Variants in ZNF439 observed in about 807,000 individuals in gnomAD.
The protein encoded by ZNF439 is zinc finger protein 439.
Under a neutral mutation model 47.3 loss-of-function variants are expected in ZNF439, and 40 were observed. That is an observed-to-expected ratio of 0.85 (90% confidence interval 0.66 to 1.10). The LOEUF is 1.10. ZNF439 is among the 50% of genes least tolerant of loss of function. ZNF439 has a pLI of 0.00. For synonymous variants in ZNF439, 171 were observed against 198.8 expected (o/e 0.86, Z 1.18); for missense variants, 556 against 601.1 (o/e 0.93, Z 0.78).
intron 1 of ZNF439, 58 bp downstream of exon 1, chr19:11,848,988 A>T: frequency 6.8e-7 from 1 of 1,469,396 alleles, no homozygotes; most frequent in Non-Finnish European, 9.1e-7. Flanking sequence ...AACTGGCGGG[A>T]CCCGGGCCTC....
At chr19:11,866,034 AT>A in intron 1 of ZNF439, 170 bp from the exon 2 acceptor site, 3 of 1,454,706 alleles carry the variant, frequency 2.1e-6, no homozygotes, top group East Asian at 2.4e-5. Flanking sequence ...AAAAAAAAAA[AT>A]TGCTTTATGG....
chr19:11,853,748 G>A lies in ZNF439; in HGVS notation c.63+4818G>A, dbSNP rs560697486. The stretch of plus-strand genomic sequence containing the variant: ...CTGTTTATGCATTAATTGAATGAAT[G>A]TAAGGCCAGGTTGGGCAGCTCTCAT... On this transcript the variant is annotated intron_variant, in intron 1 of 3. Transcript: ENST00000682736. Among the ~76,000 whole-genome samples, 15 of 152,310 alleles carry A rather than the reference G, an allele frequency of 9.8e-5. No homozygotes were observed. In the South Asian group the frequency reaches 1.0e-3, roughly 11 times the overall value.
intron 1 of ZNF439, among the ~76,000 whole-genome samples, chr19:11,864,349 G>C (rs1386773228): frequency 6.6e-6 from 1 of 152,150 alleles, no homozygotes; most frequent in Non-Finnish European, 1.5e-5. Context: ...CCAGGCTAGA[G>C]TGCAATGGTG....
intron 1 of ZNF439, among the ~76,000 whole-genome samples, chr19:11,861,875 A>T (rs958225110): frequency 6.6e-6 from 1 of 152,028 alleles, no homozygotes; most frequent in South Asian, 2.1e-4. Context: ...TCCTCCTTTC[A>T]TCTATCCTGG....
At chr19:11,851,408 G>A (rs1976236808) in intron 1 of ZNF439, among the ~76,000 whole-genome samples, 1 of 152,108 alleles carries the variant, frequency 6.6e-6, no homozygotes, top group African/African-American at 2.4e-5. Flanking sequence ...TGGGACATCG[G>A]GACATTCTGT....
chr19:11,849,004 G>A lies in ZNF439; in HGVS notation c.63+74G>A. 2.1e-6 allele frequency: 3 copies of A among 1,415,264 alleles called. No individual in the cohort carries two copies. In the South Asian group the frequency reaches 3.6e-5, roughly 17 times the overall value. 87.7% of individuals were successfully genotyped at this position (1,415,264 alleles called of 1,614,324 possible). On this transcript the variant is annotated intron_variant, in intron 1 of 3. Coordinates refer to ENST00000682736, the MANE Select transcript of ZNF439 (RefSeq NM_001348719.2). ...ACTGGCGGGACCCGGGCCTCCCTGT[G>A]GGCGACTCCGGGGTCTGGGACCGAG... is the stretch of plus-strand genomic sequence containing the variant.
At position 11,848,888 on chromosome 19, in the gene ZNF439, G is replaced by T. The variant is rs1481173188; in HGVS notation, c.21G>T (p.Arg7Ser). Residue 7 changes from arginine to serine, a missense_variant, in exon 1 of 4, where the codon AGG becomes AGT. Transcript: ENST00000682736. MPCFTHRSCREDPGTSE... is the reference protein window; with the variant it reads MPCFTHSSCREDPGTSE... ...GCGCTATGCCCTGCTTTACTCACAG[G>T]AGCTGTAGAGAGGACCCCGGTACAT... The T allele has an allele frequency of 1.1e-5, 18 of 1,573,696 alleles. No individual in the cohort carries two copies. Among genetic ancestry groups the T allele is most frequent in the Non-Finnish European group, 1.5e-5 (17 of 1,154,834 alleles).
Position 11,848,925 on chromosome 19 carries a change from G to A in ZNF439, c.58G>A (p.Glu20Lys). The A allele has an allele frequency of 2.5e-6, 4 of 1,570,314 alleles. No homozygotes were observed. Among genetic ancestry groups the A allele is most frequent in the Middle Eastern group, 2.1e-4 (1 of 4,762 alleles). ...REDPGTSESR[E>K]MDPVAFKDVA... is the part of the protein sequence containing the mutation. The stretch of plus-strand genomic sequence containing the variant: ...GGACCCCGGTACATCTGAAAGCCGG[G>A]AAATGGTGCGTGTGCTGGCCGGGAG... The change falls in exon 1 of 4, where the codon GAA becomes AAA. Residue 20 changes from glutamate to lysine, a missense_variant. Coordinates refer to ENST00000682736, the MANE Select transcript of ZNF439 (RefSeq NM_001348719.2).
At chr19:11,859,033 A>G (rs1976469042) in intron 1 of ZNF439, among the ~76,000 whole-genome samples, 1 of 152,168 alleles carries the variant, frequency 6.6e-6, no homozygotes, top group African/African-American at 2.4e-5. Context: ...ACATCCTGAG[A>G]AGCTCTGAGA....
chr19:11,849,218 G>A, intron 1 of ZNF439: 1 of 1,048,926 alleles, frequency 9.5e-7, no homozygotes, highest in Non-Finnish European at 1.2e-6. Flanking sequence ...AGGGTCATGC[G>A]CGGATTTCGA....
At position 11,867,596 on chromosome 19, in the gene ZNF439, A is replaced by G; in HGVS notation, c.542A>G (p.Gln181Arg). The G allele has an allele frequency of 6.2e-7, 1 of 1,614,198 alleles. No homozygotes were observed. The change falls in exon 4 of 4, where the codon CAA becomes CGA. Residue 181 changes from glutamine to arginine, a missense_variant. Transcript: ENST00000682736. ...AGATATCACCCCTCCTTGAGAACACAAGAAAGGGATCACACTGGAAAGAAA... is the reference window on the plus strand; with the variant it reads ...AGATATCACCCCTCCTTGAGAACACGAGAAAGGGATCACACTGGAAAGAAA... ...AFRYHPSLRT[Q>R]ERDHTGKKPY...
chr19:11,867,246 T>G, intron 3 of ZNF439, 60 bp from the exon 4 acceptor site: 1 of 1,555,578 alleles, frequency 6.4e-7, no homozygotes, highest in Non-Finnish European at 8.7e-7. Context: ...CAATACTTGC[T>G]GATTAATATA....
At chr19:11,851,977 T>A (rs1441802289) in intron 1 of ZNF439, among the ~76,000 whole-genome samples, 1 of 152,232 alleles carries the variant, frequency 6.6e-6, no homozygotes, top group Non-Finnish European at 1.5e-5. Flanking sequence ...GTTTGCTTTT[T>A]TCCCCCAGAG....
In ZNF439 at chr19:11,867,712, A is replaced by C. The variant is rs762134920; in HGVS notation, c.658A>C (p.Lys220Gln). Residue 220 changes from lysine (K) to glutamine (Q), a missense_variant, in exon 4 of 4, where the codon AAA (lysine) becomes CAA (glutamine). Coordinates refer to ENST00000682736, the MANE Select transcript of ZNF439 (RefSeq NM_001348719.2). ...MVVHSGDGPY[K>Q]CKFCGKAFHC... ...AGTGCACAGTGGGGATGGACCTTAT[A>C]AATGTAAGTTTTGTGGGAAAGCATT... is the stretch of plus-strand genomic sequence containing the variant. The C allele has an allele frequency of 6.8e-6, 11 of 1,614,204 alleles. No homozygotes were observed. In the South Asian group the frequency reaches 1.2e-4, roughly 18 times the overall value.
In ZNF439 at chr19:11,867,368, C is replaced by G. The variant is rs753824750; in HGVS notation, c.314C>G (p.Thr105Ser). The change falls in exon 4 of 4, where the codon ACC (threonine) becomes AGC (serine). Residue 105 changes from threonine (T) to serine (S), a missense_variant. Transcript: ENST00000682736. ...KEDSHCGETFTPVPDDRLNFQ... is the reference protein window; with the variant it reads ...KEDSHCGETFSPVPDDRLNFQ... The stretch of plus-strand genomic sequence containing the variant: ...GACAGTCATTGTGGAGAAACTTTTA[C>G]CCCAGTTCCAGATGACAGGCTGAAC... 1 of 1,613,932 alleles carries G rather than the reference C, an allele frequency of 6.2e-7. No individual in the cohort carries two copies.
intron 1 of ZNF439, among the ~76,000 whole-genome samples, chr19:11,851,392 G>T (rs1242088793): frequency 1.3e-5 from 2 of 152,190 alleles, no homozygotes; most frequent in African/African-American, 4.8e-5. Context: ...ATGGGTATTG[G>T]GGTATTGGGA....
intron 1 of ZNF439, among the ~76,000 whole-genome samples, chr19:11,861,021 G>T (rs1447824460): frequency 1.3e-5 from 2 of 152,100 alleles, no homozygotes; most frequent in African/African-American, 4.8e-5. Flanking sequence ...ACACGGTTCG[G>T]CCTCATTGCT....
chr19:11,854,131 T>C (rs1265112738), intron 1 of ZNF439, among the ~76,000 whole-genome samples: 2 of 152,246 alleles, frequency 1.3e-5, no homozygotes, highest in East Asian at 3.8e-4. Flanking sequence ...CATAGAACTA[T>C]GGATTTCAAC....
At chr19:11,855,705 C>G (rs1289045676) in intron 1 of ZNF439, among the ~76,000 whole-genome samples, 2 of 152,168 alleles carry the variant, frequency 1.3e-5, no homozygotes, top group African/African-American at 4.8e-5. Flanking sequence ...ATGTTTTTAC[C>G]TCTGTACAGG....
Sources: allele counts gnomAD v4.1 joint callset (sites outside exome capture counted in the v4.1 genomes callset), GRCh38; gene constraint gnomAD v4.1.1; transcripts MANE v1.5; gene names NCBI Gene and HGNC (gene_info 2026-07-23, HGNC 2026-07-21).